The following CAMKK2 variants were observed in gnomAD, a reference collection of about 807,000 sequenced individuals.
The protein encoded by CAMKK2 is calcium/calmodulin dependent protein kinase kinase 2, also known as calcium/calmodulin-dependent protein kinase kinase 2.
A neutral mutation model predicts 67.2 loss-of-function variants in CAMKK2; 30 were observed. The ratio of observed to expected loss-of-function variants is 0.45; its 90% CI spans 0.33 to 0.61. CAMKK2 has a LOEUF of 0.61. Among genes scored for constraint, CAMKK2 ranks in the 20% least tolerant of loss-of-function variants. The pLI, the probability that CAMKK2 is intolerant of heterozygous loss-of-function variation, is 0.02. For missense variants in CAMKK2, 643 were observed against 802.0 expected (o/e 0.80, Z 2.39); for synonymous variants, 322 against 326.2 (o/e 0.99, Z 0.14).
intron 14 of CAMKK2, among the ~76,000 whole-genome samples, chr12:121,247,918 A>G (rs1593283234): frequency 6.6e-6 from 1 of 152,088 alleles, no homozygotes; most frequent in South Asian, 2.1e-4. Context: ...TGGTGGGACA[A>G]CCTGCTGGTC....
At chr12:121,278,597 C>G (rs1897207530) in intron 1 of CAMKK2, among the ~76,000 whole-genome samples, 1 of 152,172 alleles carries the variant, frequency 6.6e-6, no homozygotes, top group Admixed American at 6.5e-5. Context: ...CTCACGAGAT[C>G]TGATGGTTTT....
intron 14 of CAMKK2, among the ~76,000 whole-genome samples, chr12:121,246,499 C>T (rs1017382000): frequency 4.0e-5 from 6 of 151,838 alleles, no homozygotes; most frequent in Admixed American, 2.0e-4. Flanking sequence ...TGAGCCAAGA[C>T]CACACCACTG....
At chr12:121,248,844 G>A in intron 13 of CAMKK2, 110 bp from the exon 14 acceptor site, 1 of 1,322,570 alleles carries the variant, frequency 7.6e-7, no homozygotes, top group South Asian at 1.2e-5. Context: ...AGGGCCTGTG[G>A]TCAGGCATGC....
upstream of CAMKK2, chr12:121,297,246 C>T (rs1294482923): frequency 9.8e-6 from 2 of 204,958 alleles, no homozygotes; most frequent in Admixed American, 1.0e-4. Flanking sequence ...GGCAAGAACA[C>T]CCGGGGCCCC....
chr12:121,254,590 G>A (rs1317482291), intron 9 of CAMKK2, among the ~76,000 whole-genome samples: 2 of 152,164 alleles, frequency 1.3e-5, no homozygotes, highest in East Asian at 3.9e-4. Flanking sequence ...AGGAAGCTAA[G>A]GTTCCAGGAG....
In CAMKK2 at chr12:121,253,524, G is replaced by A. The variant is rs1268263881; in HGVS notation, c.908-52C>T. ...AGATAGGGGCAGGAAAACCTCGTGA[G>A]CACCTCTATGCGGCCACATGGCCTG... On this transcript the variant is annotated intron_variant, in intron 9 of 16. Coordinates refer to ENST00000404169, the MANE Select transcript of CAMKK2 (RefSeq NM_001270485.2). The surrounding 1 kb of genome is among the most constrained non-coding windows in gnomAD (Gnocchi z 5.0). 3 of 1,461,054 alleles carry A rather than the reference G, an allele frequency of 2.1e-6. No individual in the cohort carries two copies. In the South Asian group the frequency reaches 3.4e-5, roughly 17 times the overall value. The allele number at this position is 1,461,054 out of a possible 1,614,324, so 90.5% of individuals were successfully genotyped here.
At chr12:121,272,328 T>C (rs959073164) in intron 2 of CAMKK2, among the ~76,000 whole-genome samples, 14 of 152,298 alleles carry the variant, frequency 9.2e-5, no homozygotes, top group African/African-American at 2.9e-4. Context: ...GTCCATACAA[T>C]TGAAATTATT....
At chr12:121,262,466 T>C (rs2668251) in intron 6 of CAMKK2, among the ~76,000 whole-genome samples, 22,089 of 151,654 alleles carry the variant, frequency 0.15, 2,436 homozygotes, top group African/African-American at 0.31. Context: ...GAGCTGAGAT[T>C]GTGCCACTGC....
At chr12:121,278,321 T>C (rs1310941992) in intron 1 of CAMKK2, among the ~76,000 whole-genome samples, 2 of 152,246 alleles carry the variant, frequency 1.3e-5, no homozygotes, top group Non-Finnish European at 2.9e-5. Context: ...TTAAGGTCAT[T>C]GACATCCTGT....
chr12:121,266,570 C>G lies in CAMKK2; in HGVS notation c.625+2068G>C, dbSNP rs973366397. 2.0e-4 allele frequency among the ~76,000 whole-genome samples: 30 copies of G among 150,454 alleles called. 1 individual carries two copies. Among genetic ancestry groups the G allele is most frequent in the Non-Finnish European group, 1.0e-4 (7 of 67,808 alleles). ...GGAGTGCAGTGGCGCGATCTCGGCTCAGTGTAACCTCTGCTTCCCAGGTTC... is the reference window on the plus strand; with the variant it reads ...GGAGTGCAGTGGCGCGATCTCGGCTGAGTGTAACCTCTGCTTCCCAGGTTC... On this transcript the variant is annotated intron_variant, in intron 5 of 16. Transcript: ENST00000404169.
At chr12:121,291,386 G>T (rs990729805) in intron 1 of CAMKK2, among the ~76,000 whole-genome samples, 1 of 152,194 alleles carries the variant, frequency 6.6e-6, no homozygotes, top group Non-Finnish European at 1.5e-5. Context: ...TCTATCAATG[G>T]ATGAATGTAT....
chr12:121,292,430 T>G (rs1900237157), intron 1 of CAMKK2, among the ~76,000 whole-genome samples: 1 of 151,992 alleles, frequency 6.6e-6, no homozygotes, highest in Non-Finnish European at 1.5e-5. Context: ...TGCCCAGCCC[T>G]CCTCAATTTT....
At chr12:121,267,951 C>T (rs932734565) in intron 5 of CAMKK2, among the ~76,000 whole-genome samples, 2 of 151,744 alleles carry the variant, frequency 1.3e-5, no homozygotes, top group African/African-American at 4.8e-5. Flanking sequence ...TTCACATAAA[C>T]AGAATCACAT....
At chr12:121,293,487 A>G (rs913991410) in intron 1 of CAMKK2, among the ~76,000 whole-genome samples, 3 of 131,260 alleles carry the variant, frequency 2.3e-5, no homozygotes, top group African/African-American at 4.3e-5. Flanking sequence ...TCATATAAAG[A>G]GGCTTCCATA....
intron 6 of CAMKK2, among the ~76,000 whole-genome samples, chr12:121,263,604 C>A (rs1893911979): frequency 6.6e-6 from 1 of 151,956 alleles, no homozygotes; most frequent in Admixed American, 6.6e-5. Flanking sequence ...AAATATCTGA[C>A]AGAAAAACAA....
rs544713463 is a variant in CAMKK2, at chr12:121,285,775, G to A, written c.-60+10863C>T. Among the ~76,000 whole-genome samples, 51 of 152,320 alleles carry A rather than the reference G, an allele frequency of 3.3e-4. 1 individual carries two copies. In the South Asian group the frequency reaches 0.01, roughly 30 times the overall value. ...AGCAGTGAGCCGTGATCATGCCACC[G>A]CACTCTAGCCTGGGTGACAGAGCGA... On this transcript the variant is annotated intron_variant, in intron 1 of 16. Transcript: ENST00000404169. The surrounding 1 kb of genome is among the most constrained non-coding windows in gnomAD (Gnocchi z 4.1).
chr12:121,289,066 C>A (rs1016257875), intron 1 of CAMKK2, among the ~76,000 whole-genome samples: 3 of 152,022 alleles, frequency 2.0e-5, no homozygotes, highest in African/African-American at 4.8e-5. Context: ...CAGCACCAAT[C>A]CCCCCACCCC....
chr12:121,286,533 G>T (rs1375751402), intron 1 of CAMKK2, among the ~76,000 whole-genome samples: 1 of 152,162 alleles, frequency 6.6e-6, no homozygotes, highest in Non-Finnish European at 1.5e-5. Context: ...TGTTTTGTTT[G>T]GTTTGGTTTG....
intron 11 of CAMKK2, 62 bp downstream of exon 11, chr12:121,252,599 G>A (rs1890978032): frequency 3.4e-6 from 5 of 1,479,744 alleles, no homozygotes; most frequent in Non-Finnish European, 4.7e-6. Flanking sequence ...TCCCCGCAAG[G>A]GTGACTATTA....
Sources: gnomAD v4.1 joint callset for allele counts (sites outside exome capture counted in the v4.1 genomes callset) on GRCh38, gnomAD v4.1.1 for gene constraint, Gnocchi (gnomAD v3.1) non-coding constraint, MANE v1.5 for transcripts, NCBI Gene and HGNC (gene_info 2026-07-23, HGNC 2026-07-21) for gene names.